Variants in TRAPPC9 observed in about 807,000 individuals in gnomAD.
The protein encoded by TRAPPC9 is trafficking protein particle complex subunit 9.
Under a neutral mutation model 124.0 loss-of-function variants are expected in TRAPPC9, and 83 were observed. The ratio of observed to expected loss-of-function variants is 0.67; its 90% CI spans 0.56 to 0.80. The LOEUF (loss-of-function observed/expected upper bound fraction) is 0.80. Ranked by LOEUF, TRAPPC9 falls within the 30% of genes least tolerant of loss-of-function variation. TRAPPC9 has a pLI of 0.00. For synonymous variants in TRAPPC9, 638 were observed against 617.5 expected (o/e 1.03, Z -0.49); for missense variants, 1,302 against 1,508.3 (o/e 0.86, Z 2.27).
chr8:139,881,798 C>T (rs1463827782), intron 21 of TRAPPC9, among the ~76,000 whole-genome samples: 2 of 152,230 alleles, frequency 1.3e-5, no homozygotes, highest in Non-Finnish European at 2.9e-5. Context: ...GATGGCAGCT[C>T]TTGGGCCAAT....
At chr8:140,128,976 T>C (rs1446455717) in intron 17 of TRAPPC9, among the ~76,000 whole-genome samples, 1 of 131,212 alleles carries the variant, frequency 7.6e-6, no homozygotes, top group Non-Finnish European at 1.6e-5. Flanking sequence ...TAATAAAATA[T>C]ATATATATAT....
At chr8:140,395,218 G>A (rs2069054220) in intron 7 of TRAPPC9, among the ~76,000 whole-genome samples, 1 of 152,184 alleles carries the variant, frequency 6.6e-6, no homozygotes, top group Non-Finnish European at 1.5e-5. Context: ...ACAGCTTTGA[G>A]GGACTGTGGT....
intron 17 of TRAPPC9, among the ~76,000 whole-genome samples, chr8:140,195,030 ACACT>A (rs984681488): frequency 1.3e-5 from 2 of 152,042 alleles, no homozygotes; most frequent in Non-Finnish European, 2.9e-5. Context: ...ACACTAAAAG[ACACT>A]CAATGATCCA....
intron 17 of TRAPPC9, among the ~76,000 whole-genome samples, chr8:140,089,022 C>A (rs962991826): frequency 6.6e-6 from 1 of 152,150 alleles, no homozygotes; most frequent in Non-Finnish European, 1.5e-5. Flanking sequence ...GACCCTTCTG[C>A]TGTGCTTGTA....
intron 21 of TRAPPC9, among the ~76,000 whole-genome samples, chr8:139,821,998 AGAGTTCTTTCTCGGCACAATGG>A (rs1330177227): frequency 1.3e-5 from 2 of 152,206 alleles, no homozygotes; most frequent in Non-Finnish European, 2.9e-5. Context: ...GAGAGATTTG[AGAGTTCTTTCTCGGCACAATGG>A]CTTTGACCCC....
chr8:139,926,866 A>T (rs532878820), intron 19 of TRAPPC9, among the ~76,000 whole-genome samples: 278 of 152,270 alleles, frequency 1.8e-3, no homozygotes, highest in Non-Finnish European at 3.2e-3. Context: ...AACTTTTGAT[A>T]TTCAAAAGCA....
rs2062249580 is a variant in TRAPPC9 at position 140,183,297 on chromosome 8, G to A, written c.2556+38162C>T. The stretch of plus-strand genomic sequence containing the variant: ...GTGTACAGATAAACTGGAACAAAAC[G>A]TGTCCTTCTGAGCTCTACAACCCCA... On this transcript the variant is annotated intron_variant, in intron 17 of 22. Transcript: ENST00000438773. Among the ~76,000 whole-genome samples, 3 of 152,176 alleles carry A rather than the reference G, an allele frequency of 2.0e-5. No individual in the cohort carries two copies. The South Asian group carries it at 6.2e-4, about 31-fold the overall frequency.
chr8:139,860,456 G>A (rs768466563), intron 21 of TRAPPC9, among the ~76,000 whole-genome samples: 2 of 152,148 alleles, frequency 1.3e-5, no homozygotes, highest in Non-Finnish European at 2.9e-5. Context: ...GGCTGTTTCC[G>A]GGATAGTCAC....
chr8:140,254,545 C>G (rs1188789599), intron 15 of TRAPPC9, among the ~76,000 whole-genome samples: 2 of 152,146 alleles, frequency 1.3e-5, no homozygotes, highest in Admixed American at 1.3e-4. Context: ...CATGGTAGAA[C>G]AAGAAACCCT....
At chr8:139,988,078 G>C (rs1014506045) in intron 19 of TRAPPC9, among the ~76,000 whole-genome samples, 1 of 150,236 alleles carries the variant, frequency 6.7e-6, no homozygotes, top group East Asian at 2.0e-4. Flanking sequence ...TTCCCAGACT[G>C]ATGCCAAATA....
At chr8:139,786,863 C>T (rs756363589) in intron 21 of TRAPPC9, among the ~76,000 whole-genome samples, 25 of 152,008 alleles carry the variant, frequency 1.6e-4, no homozygotes, top group Non-Finnish European at 2.6e-4. Flanking sequence ...TGACAGAAAA[C>T]GGGTCAGTGA....
intron 16 of TRAPPC9, among the ~76,000 whole-genome samples, chr8:140,221,787 G>A (rs1263378928): frequency 2.6e-5 from 4 of 152,234 alleles, no homozygotes; most frequent in African/African-American, 4.8e-5. Flanking sequence ...AAAGGCGTGC[G>A]CCACCACACC....
intron 19 of TRAPPC9, among the ~76,000 whole-genome samples, chr8:139,959,980 G>A (rs1158936548): frequency 4.6e-5 from 7 of 152,210 alleles, no homozygotes; most frequent in Non-Finnish European, 1.0e-4. Flanking sequence ...AGGCGGCGGC[G>A]AGAGGCTCTC....
At chr8:139,936,300 G>A (rs1225887315) in intron 19 of TRAPPC9, among the ~76,000 whole-genome samples, 1 of 152,258 alleles carries the variant, frequency 6.6e-6, no homozygotes, top group Non-Finnish European at 1.5e-5. Context: ...TCCGAGGCAG[G>A]CAGTGCGCTT....
intron 17 of TRAPPC9, among the ~76,000 whole-genome samples, chr8:140,074,836 G>C (rs1202850330): frequency 1.3e-5 from 2 of 152,196 alleles, no homozygotes; most frequent in Non-Finnish European, 2.9e-5. Flanking sequence ...AGGGGTCAGA[G>C]GGCAGGGACT....
intron 2 of TRAPPC9, among the ~76,000 whole-genome samples, chr8:140,443,671 C>T (rs1489492917): frequency 1.3e-5 from 2 of 152,158 alleles, no homozygotes; most frequent in African/African-American, 4.8e-5. Context: ...GAAGCCGAGG[C>T]AGGCAGATCA....
At chr8:140,411,700 C>A (rs2069712858) in intron 5 of TRAPPC9, among the ~76,000 whole-genome samples, 1 of 152,132 alleles carries the variant, frequency 6.6e-6, no homozygotes, top group African/African-American at 2.4e-5. Flanking sequence ...GATTGAGGAA[C>A]ATGTCAAAAG....
At chr8:140,084,322 A>G (rs558113611) in intron 17 of TRAPPC9, among the ~76,000 whole-genome samples, 1 of 152,324 alleles carries the variant, frequency 6.6e-6, no homozygotes, top group South Asian at 2.1e-4. Context: ...CTAAATAGAT[A>G]GGGTAATAAA....
intron 17 of TRAPPC9, among the ~76,000 whole-genome samples, chr8:140,114,761 G>A (rs548655979): frequency 4.6e-5 from 7 of 152,112 alleles, no homozygotes; most frequent in African/African-American, 9.7e-5. Flanking sequence ...AAGCCTCCTC[G>A]GAAACAGAAA....
Sources: allele counts gnomAD v4.1 joint callset (sites outside exome capture counted in the v4.1 genomes callset), GRCh38; gene constraint gnomAD v4.1.1; transcripts MANE v1.5; gene names NCBI Gene and HGNC (gene_info 2026-07-23, HGNC 2026-07-21).